Variants in PIK3C2G observed in about 807,000 individuals in gnomAD.
The protein encoded by PIK3C2G is phosphatidylinositol 3-kinase C2 domain-containing subunit gamma.
Under a neutral mutation model 181.1 loss-of-function variants are expected in PIK3C2G, and 168 were observed. The ratio of observed to expected loss-of-function variants is 0.93; its 90% confidence interval spans 0.82 to 1.05. The LOEUF is 1.05. Ranked by LOEUF, PIK3C2G falls within the 50% of genes least tolerant of loss-of-function variation. The pLI is 0.00. For synonymous variants in PIK3C2G, 573 were observed against 592.2 expected, an observed-to-expected ratio of 0.97 and a Z score of 0.47; for missense variants, 1,869 against 1,732.8, an observed-to-expected ratio of 1.08 and a Z score of -1.40.
At chr12:18,723,174 A>G in the PIK3C2G span, 1 of 707,474 alleles carries the variant, frequency 1.4e-6, no homozygotes. Context: ...TATTTTCTCA[A>G]AGATATTTGA....
intron 29 of PIK3C2G, among the ~76,000 whole-genome samples, chr12:18,590,118 T>G (rs751034237): frequency 1.5e-5 from 1 of 64,950 alleles, no homozygotes; most frequent in Non-Finnish European, 4.0e-5. Context: ...AAATTCAGAG[T>G]TTTTTTTTTT....
At chr12:18,460,513 G>A (rs1947860171) in intron 18 of PIK3C2G, among the ~76,000 whole-genome samples, 1 of 151,704 alleles carries the variant, frequency 6.6e-6, no homozygotes, top group Non-Finnish European at 1.5e-5. Flanking sequence ...GGCAGAGGTT[G>A]CAGTGAGCTG....
At chr12:18,326,006 T>C (rs138255900) in intron 8 of PIK3C2G, among the ~76,000 whole-genome samples, 100 of 152,218 alleles carry the variant, frequency 6.6e-4, no homozygotes, top group African/African-American at 2.4e-3. Context: ...GATGAGGGCA[T>C]GGACAAACAC....
chr12:18,294,281 G>T (rs1949842049), intron 5 of PIK3C2G, among the ~76,000 whole-genome samples: 1 of 151,978 alleles, frequency 6.6e-6, no homozygotes, highest in Non-Finnish European at 1.5e-5. Flanking sequence ...CTTGGAGGTA[G>T]CCCTCAGGAT....
intron 24 of PIK3C2G, among the ~76,000 whole-genome samples, chr12:18,505,919 A>G (rs1016616503): frequency 6.6e-6 from 1 of 152,214 alleles, no homozygotes; most frequent in African/African-American, 2.4e-5. Flanking sequence ...CTATTCAAGG[A>G]TATAACAGTA....
At chr12:18,609,776 T>G (rs1189476671) in intron 31 of PIK3C2G, 147 bp downstream of exon 31, 1 of 585,862 alleles carries the variant, frequency 1.7e-6, no homozygotes, top group Non-Finnish European at 3.0e-6. Context: ...TACAATATTT[T>G]TGCCTCGGGA....
chr12:18,495,935 T>C (rs1328039733), intron 20 of PIK3C2G, 127 bp from the exon 21 acceptor site: 1 of 507,234 alleles, frequency 2.0e-6, no homozygotes, highest in Non-Finnish European at 3.4e-6. Flanking sequence ...AAATTATTCA[T>C]ATGTGTTACA....
At chr12:18,270,751 A>T (rs1242884079) in intron 1 of PIK3C2G, among the ~76,000 whole-genome samples, 1 of 152,188 alleles carries the variant, frequency 6.6e-6, no homozygotes, top group African/African-American at 2.4e-5. Flanking sequence ...CTAAAAATGT[A>T]ACTTTGACAT....
the PIK3C2G span, among the ~76,000 whole-genome samples, chr12:18,682,108 A>G: frequency 6.6e-6 from 1 of 152,060 alleles, no homozygotes. Flanking sequence ...CTTAAATCCA[A>G]CAGCCCTTGA....
intron 11 of PIK3C2G, among the ~76,000 whole-genome samples, chr12:18,352,804 C>A (rs1340966216): frequency 2.0e-5 from 3 of 152,104 alleles, no homozygotes; most frequent in Non-Finnish European, 4.4e-5. Context: ...TCTTTGAGAT[C>A]CCGCTGTCAA....
chr12:18,493,323 T>A (rs1276203251), intron 20 of PIK3C2G: 1 of 152,236 alleles, frequency 6.6e-6, no homozygotes, highest in Non-Finnish European at 1.5e-5. Flanking sequence ...TTGTTGACTA[T>A]GAGAAAATTC....
At chr12:18,278,265 G>A (rs1394813442) in intron 1 of PIK3C2G, among the ~76,000 whole-genome samples, 1 of 152,168 alleles carries the variant, frequency 6.6e-6, no homozygotes, top group Non-Finnish European at 1.5e-5. Context: ...CCAAGGTAGA[G>A]ATCCCTTGAC....
At chr12:18,535,745 A>G (rs1006206536) in intron 24 of PIK3C2G, among the ~76,000 whole-genome samples, 2 of 152,274 alleles carry the variant, frequency 1.3e-5, no homozygotes. Flanking sequence ...TATAAAATTA[A>G]GATATTTTTC....
intron 4 of PIK3C2G, among the ~76,000 whole-genome samples, chr12:18,292,165 G>A (rs1323974620): frequency 1.6e-5 from 2 of 125,324 alleles, no homozygotes; most frequent in African/African-American, 3.1e-5. Context: ...AGCCGAGATC[G>A]CACCATTGCA....
the PIK3C2G span, among the ~76,000 whole-genome samples, chr12:18,690,095 T>A: frequency 6.6e-6 from 1 of 152,186 alleles, no homozygotes; most frequent in Non-Finnish European, 1.5e-5. Flanking sequence ...AGAGCACATA[T>A]GTTCTCTTTA....
chr12:18,635,897 TAGG>T (rs1401577809), intron 31 of PIK3C2G, among the ~76,000 whole-genome samples: 2 of 152,162 alleles, frequency 1.3e-5, no homozygotes, highest in Admixed American at 1.3e-4. Context: ...TTCTTGGTTG[TAGG>T]AGAAGCCAGC....
intron 29 of PIK3C2G, among the ~76,000 whole-genome samples, chr12:18,584,059 C>T (rs1432923075): frequency 2.6e-5 from 4 of 151,020 alleles, no homozygotes; most frequent in East Asian, 3.9e-4. Flanking sequence ...GACAGAGTCT[C>T]GCTCTGTCGC....
intron 14 of PIK3C2G, among the ~76,000 whole-genome samples, chr12:18,385,488 C>T (rs954288062): frequency 3.3e-5 from 5 of 152,172 alleles, no homozygotes; most frequent in Admixed American, 6.5e-5. Context: ...TCTAGTGGAA[C>T]AGCTCTGTCA....
intron 8 of PIK3C2G, among the ~76,000 whole-genome samples, chr12:18,331,993 TA>T (rs1455218416): frequency 8.5e-5 from 13 of 152,192 alleles, no homozygotes; most frequent in East Asian, 7.7e-4. Context: ...TTACACTTAC[TA>T]AGAATTTATA....
Sources: gnomAD v4.1 joint callset for allele counts (sites outside exome capture counted in the v4.1 genomes callset) on GRCh38, gnomAD v4.1.1 for gene constraint, MANE v1.5 for transcripts, NCBI Gene and HGNC (gene_info 2026-07-23, HGNC 2026-07-21) for gene names.